BRINP3: variants seen among roughly 807,000 people sequenced by gnomAD.
The protein encoded by BRINP3 is BMP/retinoic acid-inducible neural-specific protein 3.
BRINP3 carries 19 observed loss-of-function variants against 71.0 expected under a neutral mutation model. The ratio of observed to expected loss-of-function variants is 0.27; its 90% CI spans 0.19 to 0.39. The LOEUF (loss-of-function observed/expected upper bound fraction) is 0.39, where lower values mean the gene tolerates loss of function less well. Ranked by LOEUF, BRINP3 falls within the 10% of genes least tolerant of loss-of-function variation. BRINP3 has a pLI of 1.00. For missense variants in BRINP3, 959 were observed against 940.8 expected (o/e 1.02, Z -0.25); for synonymous variants, 380 against 337.7 (o/e 1.13, Z -1.37).
At chr1:190,453,314 G>A (rs1400256340) in intron 2 of BRINP3, among the ~76,000 whole-genome samples, 2 of 131,454 alleles carry the variant, frequency 1.5e-5, no homozygotes, top group African/African-American at 2.9e-5. Context: ...TCCACCTCCC[G>A]AGTTCAAGCC....
rs79142536 is a variant in BRINP3 at position 190,159,370 on chromosome 1, A to T, written c.1184+1298T>A. ...ACTCAGCATTTCTCCACTTTGGTAT[A>T]TACCCAAGAAAATTGAAACATATGT... On this transcript the variant is annotated intron_variant, in intron 7 of 7. Coordinates refer to ENST00000367462, the MANE Select transcript of BRINP3 (RefSeq NM_199051.3). Among the ~76,000 whole-genome samples the T allele has an allele frequency of 3.5e-3, 538 of 152,218 alleles. 2 individuals carry two copies. Among genetic ancestry groups the T allele is most frequent in the African/African-American group, 0.011 (468 of 41,570 alleles).
chr1:190,453,053 T>G (rs2102619879), intron 2 of BRINP3, among the ~76,000 whole-genome samples: 1 of 152,016 alleles, frequency 6.6e-6, no homozygotes, highest in Admixed American at 6.6e-5. Flanking sequence ...TGCTAAAATC[T>G]AACACATTCT....
chr1:190,450,023 T>A (rs1298540954), intron 2 of BRINP3, among the ~76,000 whole-genome samples: 2 of 152,190 alleles, frequency 1.3e-5, no homozygotes, highest in African/African-American at 2.4e-5. Flanking sequence ...TGCTTCTTTA[T>A]TTTTTGGTTT....
intron 1 of BRINP3, among the ~76,000 whole-genome samples, chr1:190,467,002 A>C (rs954759564): frequency 3.3e-5 from 5 of 151,222 alleles, no homozygotes; most frequent in Non-Finnish European, 7.4e-5. Context: ...CTAAATCATC[A>C]CTCTGAGAAT....
chr1:190,347,706 T>C (rs898090437), intron 2 of BRINP3, among the ~76,000 whole-genome samples: 56 of 152,154 alleles, frequency 3.7e-4, no homozygotes, highest in African/African-American at 1.3e-3. Context: ...TAAATTTTTA[T>C]TCTTATTTTT....
intron 2 of BRINP3, among the ~76,000 whole-genome samples, chr1:190,361,291 G>T (rs775646343): frequency 6.6e-6 from 1 of 152,024 alleles, no homozygotes; most frequent in African/African-American, 2.4e-5. Flanking sequence ...CATAATTTCC[G>T]AAGAGATTAG....
At chr1:190,465,590 A>G (rs1194502773) in intron 1 of BRINP3, among the ~76,000 whole-genome samples, 1 of 151,930 alleles carries the variant, frequency 6.6e-6, no homozygotes, top group Non-Finnish European at 1.5e-5. Context: ...CTGTTAGATC[A>G]GTTTAGCCAG....
intron 6 of BRINP3, among the ~76,000 whole-genome samples, chr1:190,183,169 G>A (rs917623032): frequency 1.3e-5 from 2 of 151,860 alleles, no homozygotes; most frequent in African/African-American, 4.8e-5. Context: ...TGTTTTTGAT[G>A]GCTCTTTTTC....
chr1:190,376,579 T>C (rs1016760161), intron 2 of BRINP3, among the ~76,000 whole-genome samples: 1 of 152,084 alleles, frequency 6.6e-6, no homozygotes, highest in Non-Finnish European at 1.5e-5. Flanking sequence ...ATTGTATTTA[T>C]GAAGAAACAG....
chr1:190,102,735 A>T (rs2102248528), intron 7 of BRINP3, among the ~76,000 whole-genome samples: 1 of 152,210 alleles, frequency 6.6e-6, no homozygotes, highest in East Asian at 1.9e-4. Context: ...TTAAAAAAGC[A>T]ATTGACATGA....
intron 7 of BRINP3, among the ~76,000 whole-genome samples, chr1:190,146,497 T>C (rs189803482): frequency 6.6e-6 from 1 of 152,168 alleles, no homozygotes; most frequent in South Asian, 2.1e-4. Context: ...TTAATTACTA[T>C]ATCATCATCA....
At chr1:190,148,251 T>C (rs998443865) in intron 7 of BRINP3, among the ~76,000 whole-genome samples, 3 of 152,032 alleles carry the variant, frequency 2.0e-5, no homozygotes, top group Admixed American at 1.3e-4. Flanking sequence ...AATTCTATTA[T>C]GCATGCTGTA....
At chr1:190,328,807 C>T (rs1362074172) in intron 2 of BRINP3, among the ~76,000 whole-genome samples, 6 of 150,956 alleles carry the variant, frequency 4.0e-5, no homozygotes, top group African/African-American at 7.3e-5. Flanking sequence ...TTGAATCCAA[C>T]GACACATGAA....
chr1:190,310,193 T>A (rs935774378), intron 2 of BRINP3, among the ~76,000 whole-genome samples: 4 of 151,196 alleles, frequency 2.6e-5, no homozygotes, highest in Non-Finnish European at 5.9e-5. Context: ...AGGAAACAGA[T>A]AAGGAAGAGG....
At chr1:190,412,315 T>A (rs1334196920) in intron 2 of BRINP3, among the ~76,000 whole-genome samples, 1 of 150,270 alleles carries the variant, frequency 6.7e-6, no homozygotes, top group South Asian at 2.1e-4. Context: ...AATCTTGTGA[T>A]GAAGGAAATT....
At chr1:190,273,740 A>G (rs569434070) in intron 3 of BRINP3, among the ~76,000 whole-genome samples, 2 of 151,708 alleles carry the variant, frequency 1.3e-5, no homozygotes, top group East Asian at 3.9e-4. Flanking sequence ...CATACTGTTT[A>G]CTTCTCACTT....
intron 6 of BRINP3, among the ~76,000 whole-genome samples, chr1:190,187,421 G>A (rs1571942775): frequency 2.0e-5 from 3 of 152,056 alleles, no homozygotes; most frequent in Admixed American, 1.3e-4. Context: ...TTTGTTGCCT[G>A]TGCTTTTGAA....
At chr1:190,255,414 C>T (rs988119246) in intron 4 of BRINP3, among the ~76,000 whole-genome samples, 1 of 151,794 alleles carries the variant, frequency 6.6e-6, no homozygotes, top group Admixed American at 6.6e-5. Context: ...ATCTGGTCCT[C>T]GACTGTTTTT....
intron 2 of BRINP3, among the ~76,000 whole-genome samples, chr1:190,372,451 T>C (rs1279024457): frequency 6.6e-6 from 1 of 152,172 alleles, no homozygotes; most frequent in Non-Finnish European, 1.5e-5. Flanking sequence ...AACAGCAGCT[T>C]TGTGATGCTC....
Sources: gnomAD v4.1 joint callset for allele counts (sites outside exome capture counted in the v4.1 genomes callset) on GRCh38, gnomAD v4.1.1 for gene constraint, MANE v1.5 for transcripts, NCBI Gene and HGNC (gene_info 2026-07-23, HGNC 2026-07-21) for gene names.